The following DTNB variants were observed in gnomAD, a reference collection of about 807,000 sequenced individuals.
DTNB encodes dystrobrevin beta.
In DTNB, 63 loss-of-function variants were observed where a neutral mutation model predicts 90.7. That is an observed-to-expected ratio of 0.69 (90% CI 0.57 to 0.86). The LOEUF (loss-of-function observed/expected upper bound fraction) is 0.86, where lower values mean the gene tolerates loss of function less well. Among genes scored for constraint, DTNB ranks in the 40% least tolerant of loss-of-function variants. The pLI, the probability that DTNB is intolerant of heterozygous loss-of-function variation, is 0.00. For missense variants in DTNB, 744 were observed against 807.1 expected (o/e 0.92, Z 0.95); for synonymous variants, 277 against 286.7 (o/e 0.97, Z 0.34).
chr2:25,462,853 G>A (rs913628881), intron 10 of DTNB, among the ~76,000 whole-genome samples: 13 of 152,084 alleles, frequency 8.5e-5, no homozygotes, highest in Non-Finnish European at 1.3e-4. Context: ...ACAGGCGCCC[G>A]CCACCACGCC....
chr2:25,459,783 C>T (rs1057204976), intron 10 of DTNB, among the ~76,000 whole-genome samples: 2 of 152,108 alleles, frequency 1.3e-5, no homozygotes, highest in East Asian at 1.9e-4. Flanking sequence ...TGTGAATCAC[C>T]GCACCCGGCC....
chr2:25,633,789 A>G (rs149590731), intron 3 of DTNB, among the ~76,000 whole-genome samples: 2,604 of 142,570 alleles, frequency 0.018, 68 homozygotes, highest in African/African-American at 0.063. Context: ...CCGGCCGCTC[A>G]TCGTCTGAGA....
intron 6 of DTNB, among the ~76,000 whole-genome samples, chr2:25,586,529 A>C (rs1017165427): frequency 2.6e-5 from 4 of 151,396 alleles, no homozygotes; most frequent in African/African-American, 9.7e-5. Flanking sequence ...AAAAAAAAAA[A>C]GTTTAAAAAA....
At chr2:25,616,954 G>GAAAAAAAAAA (rs900643862) in intron 4 of DTNB, among the ~76,000 whole-genome samples, 3 of 97,452 alleles carry the variant, frequency 3.1e-5, no homozygotes, top group African/African-American at 8.6e-5. Context: ...AAAAAAAAAG[G>GAAAAAAAAAA]AAAAAAAAGA....
chr2:25,390,682 G>A (rs1451701199), intron 16 of DTNB, among the ~76,000 whole-genome samples: 2 of 151,752 alleles, frequency 1.3e-5, no homozygotes, highest in African/African-American at 4.8e-5. Context: ...CCTGACCTCA[G>A]GTGATCCACC....
In DTNB at chr2:25,624,502, G is replaced by T. The variant is rs114226369; in HGVS notation, c.362+3669C>A. On this transcript the variant is annotated intron_variant, in intron 4 of 20. Transcript: ENST00000406818. The stretch of plus-strand genomic sequence containing the variant: ...CAAGAAGGGGGCAAAGCCGCGCAAA[G>T]AAATAAAGCCAGAGCTCTGATGCAA... 2.0e-3 allele frequency among the ~76,000 whole-genome samples: 299 copies of T among 152,334 alleles called. 1 individual carries two copies. Among genetic ancestry groups the T allele is most frequent in the African/African-American group, 7.0e-3 (293 of 41,562 alleles).
At chr2:25,616,837 C>A (rs1179333334) in intron 4 of DTNB, among the ~76,000 whole-genome samples, 1 of 143,142 alleles carries the variant, frequency 7.0e-6, no homozygotes, top group Non-Finnish European at 1.5e-5. Flanking sequence ...GAGGCTGAGG[C>A]AGGAGAATGG....
At chr2:25,443,453 G>A (rs2057878909) in intron 12 of DTNB, among the ~76,000 whole-genome samples, 1 of 152,208 alleles carries the variant, frequency 6.6e-6, no homozygotes, top group African/African-American at 2.4e-5. Flanking sequence ...ACCAAGGGAT[G>A]CCGACACAGT....
chr2:25,635,690 A>T (rs941295886), intron 3 of DTNB, among the ~76,000 whole-genome samples: 17 of 151,680 alleles, frequency 1.1e-4, no homozygotes, highest in Non-Finnish European at 2.4e-4. Flanking sequence ...AGAAATGAAT[A>T]AAAAAAACAC....
chr2:25,538,231 C>CA (rs1553505975), intron 8 of DTNB, among the ~76,000 whole-genome samples: 9 of 140,928 alleles, frequency 6.4e-5, no homozygotes, highest in African/African-American at 1.9e-4. Context: ...ACAACAACAA[C>CA]AAAAAATATA....
At chr2:25,540,905 G>A (rs970615476) in intron 8 of DTNB, among the ~76,000 whole-genome samples, 1 of 151,760 alleles carries the variant, frequency 6.6e-6, no homozygotes, top group African/African-American at 2.4e-5. Context: ...CAAACACTGC[G>A]GAAGGCCTCA....
chr2:25,525,027 T>C (rs915242307), intron 9 of DTNB, among the ~76,000 whole-genome samples: 1 of 152,124 alleles, frequency 6.6e-6, no homozygotes, highest in Non-Finnish European at 1.5e-5. Context: ...GGAAATAATG[T>C]CCAGCAATGA....
intron 20 of DTNB, among the ~76,000 whole-genome samples, chr2:25,378,527 C>G (rs2036538368): frequency 1.3e-5 from 2 of 148,288 alleles, no homozygotes; most frequent in African/African-American, 5.0e-5. Flanking sequence ...AGCTAGGGCC[C>G]TGACTTCTTT....
chr2:25,603,338 G>T (rs1189713761), intron 5 of DTNB, among the ~76,000 whole-genome samples: 1 of 152,068 alleles, frequency 6.6e-6, no homozygotes, highest in African/African-American at 2.4e-5. Context: ...AATTTTGATT[G>T]TGCTTTTAAT....
chr2:25,590,079 G>A (rs2148333793), intron 6 of DTNB, among the ~76,000 whole-genome samples: 1 of 152,348 alleles, frequency 6.6e-6, no homozygotes, highest in Admixed American at 6.5e-5. Flanking sequence ...TTCCACAGCT[G>A]GCACCAGCAA....
intron 4 of DTNB, among the ~76,000 whole-genome samples, chr2:25,627,886 A>G (rs183440991): frequency 0.016 from 2,434 of 151,848 alleles, 17 homozygotes; most frequent in Non-Finnish European, 0.021. Flanking sequence ...ACAGGCGCCC[A>G]CCACCACGCC....
chr2:25,572,667 T>G (rs1274041056), intron 8 of DTNB, among the ~76,000 whole-genome samples: 6 of 151,786 alleles, frequency 4.0e-5, no homozygotes, highest in Admixed American at 1.3e-4. Flanking sequence ...TTTGTTTTTT[T>G]TTTTTTAAAT....
chr2:25,648,993 C>CTTTTTTTTT (rs60749102), intron 2 of DTNB, among the ~76,000 whole-genome samples: 1 of 93,988 alleles, frequency 1.1e-5, no homozygotes, highest in African/African-American at 4.3e-5. Context: ...TCCTTCCTAC[C>CTTTTTTTTT]TTTTTTTTTT....
At position 25,616,931 on chromosome 2, in the gene DTNB, C is replaced by CAA. The variant is rs70947896; in HGVS notation, c.363-9612_363-9611dup. On this transcript the variant is annotated intron_variant, in intron 4 of 20. Coordinates refer to ENST00000406818, the MANE Select transcript of DTNB (RefSeq NM_021907.5). ...TGGGCGACAGAGCAAGACCCCGTCT[C>CAA]AAAAAAAAAAAAAAAAAAAAAGGAA... 1.3e-3 allele frequency among the ~76,000 whole-genome samples: 91 copies of CAA among 70,538 alleles called. 2 individuals carry two copies. Among genetic ancestry groups the CAA allele is most frequent in the East Asian group, 3.0e-3 (7 of 2,354 alleles). The allele number at this position is 70,538 out of a possible 152,430, so 46.3% of individuals were successfully genotyped here. A position where few individuals can be genotyped will look rare whatever the true frequency, so the allele number is the denominator to read the frequency against.
Sources: gnomAD v4.1 joint callset for allele counts (sites outside exome capture counted in the v4.1 genomes callset) on GRCh38, gnomAD v4.1.1 for gene constraint, MANE v1.5 for transcripts, NCBI Gene and HGNC (gene_info 2026-07-23, HGNC 2026-07-21) for gene names.